Variants in PPP1R21 observed in about 807,000 individuals in gnomAD.
PPP1R21 encodes the protein KLRAQ motif containing 1.
Under a neutral mutation model 112.8 loss-of-function variants are expected in PPP1R21, and 85 were observed. That is an observed-to-expected ratio of 0.75 (90% CI 0.63 to 0.90). The LOEUF (loss-of-function observed/expected upper bound fraction) is 0.90. PPP1R21 is among the 40% of genes least tolerant of loss of function. PPP1R21 has a pLI of 0.00. For synonymous variants in PPP1R21, 381 were observed against 322.3 expected, an observed-to-expected ratio of 1.18 and a Z score of -1.95; for missense variants, 1,199 against 901.5, an observed-to-expected ratio of 1.33 and a Z score of -4.23.
chr2:48,469,690 A>G (rs1178598499), intron 9 of PPP1R21, among the ~76,000 whole-genome samples: 4 of 151,238 alleles, frequency 2.6e-5, no homozygotes, highest in East Asian at 1.9e-4. Context: ...AGTGAGAATC[A>G]AATATATTAA....
intron 15 of PPP1R21, among the ~76,000 whole-genome samples, chr2:48,492,133 T>C (rs977402310): frequency 1.3e-5 from 2 of 152,240 alleles, no homozygotes; most frequent in African/African-American, 4.8e-5. Context: ...GTTTTAACTA[T>C]GCAGTGCATA....
chr2:48,474,989 T>A (rs970712636), intron 12 of PPP1R21, among the ~76,000 whole-genome samples, 170 bp downstream of exon 12: 5 of 152,208 alleles, frequency 3.3e-5, no homozygotes, highest in Non-Finnish European at 5.9e-5. Flanking sequence ...TGGGCAAAGC[T>A]CTTGACCTCT....
In PPP1R21 at chr2:48,458,201, G is replaced by C; in HGVS notation, c.349G>C (p.Glu117Gln). Residue 117 changes from glutamate to glutamine, a missense_variant, in exon 4 of 22, where the codon GAA becomes CAA. Glu to Gln is a conservative substitution (Grantham distance 29). Transcript: ENST00000294952. ...VFDEDLQKKI[E>Q]ENERLHIQFF... ...TGATGAAGATCTGCAAAAGAAGATAGAAGAGAATGAACGGTTGCATATACA... is the reference window on the plus strand; with the variant it reads ...TGATGAAGATCTGCAAAAGAAGATACAAGAGAATGAACGGTTGCATATACA... The C allele has an allele frequency of 6.2e-7, 1 of 1,611,352 alleles. No homozygotes were observed. The highest frequency in any genetic ancestry group is 8.5e-7 in the Non-Finnish European group (1 of 1,178,026).
intron 1 of PPP1R21, chr2:48,441,406 C>G (rs529370456): frequency 3.3e-6 from 1 of 299,376 alleles, no homozygotes; most frequent in African/African-American, 2.3e-5. Flanking sequence ...ATCAACCCTT[C>G]TCCCCTCCCA....
At chr2:48,514,118 ATCTCCCGGGTTCATGCCAT>A (rs1670764331) in intron 21 of PPP1R21, among the ~76,000 whole-genome samples, 1 of 111,710 alleles carries the variant, frequency 9.0e-6, no homozygotes, top group African/African-American at 3.7e-5. Context: ...TTGTTGCTCC[ATCTCCCGGGTTCATGCCAT>A]TCTCCCGGCG....
rs115352962 is a variant in PPP1R21 at position 48,493,384 on chromosome 2, G to A, written c.1599+2214G>A. Among the ~76,000 whole-genome samples the A allele has an allele frequency of 8.8e-3, 1,335 of 152,284 alleles. 31 individuals are homozygous for A. The highest frequency in any genetic ancestry group is 0.03 in the African/African-American group (1,243 of 41,542). On this transcript the variant is annotated intron_variant, in intron 15 of 21. Coordinates refer to ENST00000294952, the MANE Select transcript of PPP1R21 (RefSeq NM_001135629.3). ...TTAAGAATGTTAATTTTGTGTTTAT[G>A]TGGGAAATATTTTTCCCTAGTTTGC...
chr2:48,515,043 A>G lies in PPP1R21; in HGVS notation c.*299A>G. On this transcript the variant is annotated 3_prime_UTR_variant, in exon 22 of 22. Transcript: ENST00000294952. ...TTTAAAATTAGGTTTTAATTTCAGT[A>G]TGTAAGAACAAATATTTTGTATACT... 1 of 347,066 alleles carries G rather than the reference A, an allele frequency of 2.9e-6. No individual in the cohort carries two copies. The highest frequency in any genetic ancestry group is 5.2e-5 in the East Asian group (1 of 19,164). 21.5% of individuals were successfully genotyped at this position (347,066 alleles called of 1,614,324 possible). A position where few individuals can be genotyped will look rare whatever the true frequency, so the allele number is the denominator to read the frequency against.
At chr2:48,500,360 A>G (rs1670053361) in intron 17 of PPP1R21, among the ~76,000 whole-genome samples, 1 of 152,156 alleles carries the variant, frequency 6.6e-6, no homozygotes, top group South Asian at 2.1e-4. Flanking sequence ...CAATTATTGA[A>G]TCTAGATACT....
At chr2:48,508,299 T>C (rs985811221) in intron 19 of PPP1R21, among the ~76,000 whole-genome samples, 7 of 152,302 alleles carry the variant, frequency 4.6e-5, no homozygotes, top group East Asian at 1.9e-4. Flanking sequence ...AGATAGATGA[T>C]TATAATGCTT....
chr2:48,510,104 C>T lies in PPP1R21; in HGVS notation c.2175C>T (p.Ser725=). Residue 725 remains serine (S), a synonymous_variant, in exon 20 of 22, where the codon AGC becomes AGT. Transcript: ENST00000294952. ...EEMKLASQNI[S]RLQDELTTTK... ...TGAAACTTGCCAGTCAGAACATCAG[C>T]AGACTTCAGGTGAGTTAAGTGTTAC... is the stretch of plus-strand genomic sequence containing the variant. 1 of 1,613,094 alleles carries T rather than the reference C, an allele frequency of 6.2e-7. No individual in the cohort carries two copies. Among genetic ancestry groups the T allele is most frequent in the Non-Finnish European group, 8.5e-7 (1 of 1,179,162 alleles).
intron 7 of PPP1R21, among the ~76,000 whole-genome samples, chr2:48,463,242 A>G (rs1254581749): frequency 1.3e-5 from 2 of 152,172 alleles, no homozygotes; most frequent in African/African-American, 4.8e-5. Context: ...TGAGTTCTCC[A>G]TCCCAGTGAT....
chr2:48,483,327 G>T (rs1399431280), intron 13 of PPP1R21, among the ~76,000 whole-genome samples: 2 of 149,000 alleles, frequency 1.3e-5, no homozygotes, highest in Admixed American at 1.4e-4. Flanking sequence ...GACTACAGGT[G>T]TGCGTCACCA....
intron 2 of PPP1R21, among the ~76,000 whole-genome samples, chr2:48,454,324 TTGTGTC>T (rs1253690162): frequency 3.9e-5 from 6 of 152,150 alleles, no homozygotes. Flanking sequence ...GCCTCAATCT[TTGTGTC>T]TGTTCACTGT....
At chr2:48,511,081 C>G (rs1039145275) in intron 20 of PPP1R21, among the ~76,000 whole-genome samples, 3 of 151,936 alleles carry the variant, frequency 2.0e-5, no homozygotes, top group African/African-American at 2.4e-5. Flanking sequence ...TTGGGGGGGA[C>G]ATGGTATTTT....
chr2:48,461,021 C>T, intron 6 of PPP1R21, 117 bp from the exon 7 acceptor site: 1 of 1,442,338 alleles, frequency 6.9e-7, no homozygotes, highest in Non-Finnish European at 9.1e-7. Flanking sequence ...CAAGAGTATC[C>T]CAGATGTCAG....
At chr2:48,484,844 C>G (rs1292134059) in intron 13 of PPP1R21, among the ~76,000 whole-genome samples, 1 of 152,142 alleles carries the variant, frequency 6.6e-6, no homozygotes, top group Non-Finnish European at 1.5e-5. Flanking sequence ...GTGAGAATGA[C>G]TATAATCAAG....
intron 9 of PPP1R21, among the ~76,000 whole-genome samples, chr2:48,470,676 C>T (rs1668460211): frequency 2.0e-5 from 3 of 152,076 alleles, no homozygotes; most frequent in Admixed American, 2.0e-4. Flanking sequence ...GTCGTACAGT[C>T]TTGATTTTCA....
At chr2:48,441,177 C>A in intron 1 of PPP1R21, 167 bp downstream of exon 1, 1 of 632,010 alleles carries the variant, frequency 1.6e-6, no homozygotes, top group South Asian at 1.8e-5. Context: ...ACCTGCAGCT[C>A]CCAGGAGATG....
intron 19 of PPP1R21, 138 bp from the exon 20 acceptor site, chr2:48,509,877 C>T (rs568991656): frequency 3.5e-6 from 2 of 574,678 alleles, no homozygotes; most frequent in Admixed American, 3.0e-5. Flanking sequence ...GACACAATGC[C>T]TATAGGTATT....
Sources: allele counts gnomAD v4.1 joint callset (sites outside exome capture counted in the v4.1 genomes callset), GRCh38; gene constraint gnomAD v4.1.1; transcripts MANE v1.5; gene names NCBI Gene and HGNC (gene_info 2026-07-23, HGNC 2026-07-21).